Variants in MAGEC3 observed in about 807,000 individuals in gnomAD.
MAGEC3 encodes the protein MAGE family member C3, also known as melanoma-associated antigen C3.
A neutral mutation model predicts 35.3 loss-of-function variants in MAGEC3; 34 were observed. The ratio of observed to expected loss-of-function variants is 0.96; its 90% CI spans 0.73 to 1.28. The LOEUF (loss-of-function observed/expected upper bound fraction) is 1.28. Ranked by LOEUF, MAGEC3 falls within the 50% of genes most tolerant of loss-of-function variation. MAGEC3 has a pLI of 0.00. For synonymous variants in MAGEC3, 202 were observed against 185.6 expected, an observed-to-expected ratio of 1.09 and a Z score of -0.72; for missense variants, 561 against 483.6, an observed-to-expected ratio of 1.16 and a Z score of -1.50.
At chrX:141,873,392 C>T (rs1421213709) in intron 2 of MAGEC3, among the ~76,000 whole-genome samples, 1 of 110,676 alleles carries the variant, frequency 9.0e-6, no homozygotes, top group Non-Finnish European at 1.9e-5. Flanking sequence ...TGAAGTTTGG[C>T]AGTTACCTAA....
At chrX:141,838,974 C>T (rs1000441669) in intron 1 of MAGEC3, 11 of 429,143 alleles carry the variant, frequency 2.6e-5, no homozygotes, top group African/African-American at 1.9e-4. Context: ...AGGGACCCAG[C>T]GGGAGCTTTC....
intron 1 of MAGEC3, among the ~76,000 whole-genome samples, chrX:141,857,248 G>T (rs1284905657): frequency 9.1e-6 from 1 of 110,252 alleles, no homozygotes; most frequent in Non-Finnish European, 1.9e-5. Context: ...TCCAGAAATA[G>T]ATCTGCTTAT....
chrX:141,854,350 C>T (rs1023059232), intron 1 of MAGEC3, among the ~76,000 whole-genome samples: 3 of 110,944 alleles, frequency 2.7e-5, no homozygotes, highest in African/African-American at 9.8e-5. Flanking sequence ...TGATTTCAAG[C>T]TAAGACCTGA....
In MAGEC3 at chrX:141,858,092, C is replaced by T. The variant is rs189333127; in HGVS notation, c.124-7379C>T. On this transcript the variant is annotated intron_variant, in intron 1 of 7. Coordinates refer to ENST00000298296, the MANE Select transcript of MAGEC3 (RefSeq NM_138702.1). The stretch of plus-strand genomic sequence containing the variant: ...TAGTTACACTTTATATAAGTTATAA[C>T]TTTATATACTTATAACTTATGCATA... Among the ~76,000 whole-genome samples the T allele has an allele frequency of 2.7e-5, 3 of 110,343 alleles. No individual in the cohort carries two copies. In the East Asian group the frequency reaches 8.6e-4, roughly 32 times the overall value.
In MAGEC3 at chrX:141,897,308, A is replaced by AC. The variant is rs1167270421; in HGVS notation, c.1554dup (p.Asp519ArgfsTer8). 1 of 1,211,538 alleles carries AC rather than the reference A, an allele frequency of 8.3e-7. No homozygotes were observed. Among genetic ancestry groups the AC allele is most frequent in the Admixed American group, 2.2e-5 (1 of 46,018 alleles). ...TTTGGCATTGCCCTGACTGATATGG[A>AC]CCCCGACAACCACTCCTATTTCTTT... On this transcript the variant is annotated frameshift_variant, in exon 7 of 8. Transcript: ENST00000298296. LOFTEE classifies it high-confidence loss of function.
chrX:141,861,674 G>A lies in MAGEC3; in HGVS notation c.124-3797G>A, dbSNP rs528422677. ...CAAAGCCATCAAGAACATACACTGG[G>A]GAAAGGGCAGCCTCTTCAGTAATGG... On this transcript the variant is annotated intron_variant, in intron 1 of 7. Transcript: ENST00000298296. Among the ~76,000 whole-genome samples, 3 of 111,710 alleles carry A rather than the reference G, an allele frequency of 2.7e-5. No homozygotes were observed. The South Asian group carries it at 1.1e-3, about 42-fold the overall frequency.
chrX:141,873,656 T>G (rs2017902041), intron 2 of MAGEC3, among the ~76,000 whole-genome samples: 1 of 111,771 alleles, frequency 8.9e-6, no homozygotes, highest in Non-Finnish European at 1.9e-5. Flanking sequence ...TTAAAAATTG[T>G]TTTAGAAACC....
At chrX:141,851,164 C>T (rs1381295308) in intron 1 of MAGEC3, among the ~76,000 whole-genome samples, 2 of 110,610 alleles carry the variant, frequency 1.8e-5, no homozygotes, top group Non-Finnish European at 3.8e-5. Flanking sequence ...ATTTCTCCAT[C>T]ACTTCCAATT....
At chrX:141,879,052 C>CA in intron 2 of MAGEC3, 123 bp from the exon 3 acceptor site, 2 of 812,256 alleles carry the variant, frequency 2.5e-6, no homozygotes, top group Non-Finnish European at 1.7e-6. Flanking sequence ...GTGAAAGACT[C>CA]AGTTGCACAG....
intron 1 of MAGEC3, among the ~76,000 whole-genome samples, chrX:141,863,697 A>G (rs1308470156): frequency 9.0e-6 from 1 of 111,682 alleles, no homozygotes; most frequent in Non-Finnish European, 1.9e-5. Flanking sequence ...AAAAAGATAT[A>G]CAGATCACAA....
intron 2 of MAGEC3, among the ~76,000 whole-genome samples, chrX:141,873,049 A>G (rs1603067678): frequency 8.9e-6 from 1 of 111,958 alleles, no homozygotes; most frequent in African/African-American, 3.3e-5. Flanking sequence ...AAAGAAACAC[A>G]AAAGGTGGCT....
chrX:141,856,059 G>T lies in MAGEC3; in HGVS notation c.124-9412G>T, dbSNP rs188857796. Among the ~76,000 whole-genome samples, 521 of 111,715 alleles carry T rather than the reference G, an allele frequency of 4.7e-3. 6 individuals carry two copies. The highest frequency in any genetic ancestry group is 0.016 in the African/African-American group (489 of 30,805). ...CAGGTTGTGATATAGATGGACATCA[G>T]ACCTAACCCTTGATCTAATATTTCT... On this transcript the variant is annotated intron_variant, in intron 1 of 7. Coordinates refer to ENST00000298296, the MANE Select transcript of MAGEC3 (RefSeq NM_138702.1).
chrX:141,883,713 T>G (rs2124119002), intron 4 of MAGEC3, among the ~76,000 whole-genome samples: 1 of 112,997 alleles, frequency 8.8e-6, no homozygotes, highest in East Asian at 2.8e-4. Flanking sequence ...AAAGCAAAGC[T>G]TCCTTCATAA....
chrX:141,891,392 T>C (rs373852078), intron 4 of MAGEC3, among the ~76,000 whole-genome samples: 1 of 111,301 alleles, frequency 9.0e-6, no homozygotes, highest in African/African-American at 3.3e-5. Context: ...TTTCAGGAAA[T>C]GTTTTCATTC....
At chrX:141,847,741 G>A (rs1412169583) in intron 1 of MAGEC3, among the ~76,000 whole-genome samples, 4 of 111,110 alleles carry the variant, frequency 3.6e-5, no homozygotes, top group Non-Finnish European at 7.6e-5. Flanking sequence ...GTATAGCTAT[G>A]ATGCTTATAT....
intron 4 of MAGEC3, among the ~76,000 whole-genome samples, chrX:141,884,416 G>A (rs2017987643): frequency 9.0e-6 from 1 of 111,319 alleles, no homozygotes; most frequent in Admixed American, 9.5e-5. Flanking sequence ...GCTTGCAGAT[G>A]GCCTATTGTG....
At position 141,865,066 on chromosome X, in the gene MAGEC3, T is replaced by C. The variant is rs1404926240; in HGVS notation, c.124-405T>C. Among the ~76,000 whole-genome samples, 3 of 112,235 alleles carry C rather than the reference T, an allele frequency of 2.7e-5. No individual in the cohort carries two copies. In the Admixed American group the frequency reaches 2.8e-4, roughly 11 times the overall value. ...GTCTATTGGTGTATTTTGCCCATTT[T>C]GAAAATGTTTTCTAATTTTTGGATT... On this transcript the variant is annotated intron_variant, in intron 1 of 7. Coordinates refer to ENST00000298296, the MANE Select transcript of MAGEC3 (RefSeq NM_138702.1).
chrX:141,878,539 C>A (rs1281797833), intron 2 of MAGEC3, among the ~76,000 whole-genome samples: 1 of 110,620 alleles, frequency 9.0e-6, no homozygotes, highest in Non-Finnish European at 1.9e-5. Context: ...GCATGGTGGC[C>A]CACTGTGGTG....
intron 1 of MAGEC3, among the ~76,000 whole-genome samples, chrX:141,856,723 C>T (rs1189370580): frequency 9.0e-6 from 1 of 111,314 alleles, no homozygotes; most frequent in Admixed American, 9.6e-5. Flanking sequence ...ACTATTCAGC[C>T]ATAAAAAGAA....
Sources: gnomAD v4.1 joint callset for allele counts (sites outside exome capture counted in the v4.1 genomes callset) on GRCh38, gnomAD v4.1.1 for gene constraint, MANE v1.5 for transcripts, NCBI Gene and HGNC (gene_info 2026-07-23, HGNC 2026-07-21) for gene names.